FAM20B: variants seen among roughly 807,000 people sequenced by gnomAD.
FAM20B encodes the protein glycosaminoglycan xylosylkinase.
FAM20B carries 23 observed loss-of-function variants against 43.8 expected under a neutral mutation model. That is an observed-to-expected ratio of 0.53 (90% CI 0.38 to 0.74). The LOEUF is 0.74. Among genes scored for constraint, FAM20B ranks in the 30% least tolerant of loss-of-function variants. The pLI is 0.00. For missense variants in FAM20B, 440 were observed against 510.5 expected, an observed-to-expected ratio of 0.86 and a Z score of 1.33; for synonymous variants, 178 against 192.4, an observed-to-expected ratio of 0.93 and a Z score of 0.62.
intron 7 of FAM20B, among the ~76,000 whole-genome samples, chr1:179,067,462 G>A (rs192245635): frequency 2.2e-4 from 33 of 152,252 alleles, no homozygotes; most frequent in Admixed American, 6.5e-4. Flanking sequence ...AAAATGAGCC[G>A]GGCATGGTGG....
chr1:179,027,614 C>T (rs938850792), intron 1 of FAM20B, among the ~76,000 whole-genome samples: 2 of 152,230 alleles, frequency 1.3e-5, no homozygotes, highest in African/African-American at 4.8e-5. Context: ...AATACAAAGG[C>T]ACACACAAGT....
chr1:179,073,903 G>A lies in FAM20B; in HGVS notation c.*1759G>A, dbSNP rs1170797043. ...GGCCTGATGTGCCCACTCATCTATG[G>A]ACTCAGAGCTGTGTGCTTTGCTCCT... On this transcript the variant is annotated 3_prime_UTR_variant, in exon 8 of 8. Coordinates refer to ENST00000263733, the MANE Select transcript of FAM20B (RefSeq NM_014864.4). The A allele has an allele frequency of 6.6e-6, 1 of 152,222 alleles. No individual in the cohort carries two copies. Among genetic ancestry groups the A allele is most frequent in the South Asian group, 2.1e-4 (1 of 4,832 alleles). 9.4% of individuals were successfully genotyped at this position (152,222 alleles called of 1,614,324 possible). A position where few individuals can be genotyped will look rare whatever the true frequency, so the allele number is the denominator to read the frequency against.
chr1:179,042,901 C>T (rs1290260505), intron 1 of FAM20B, among the ~76,000 whole-genome samples: 1 of 152,112 alleles, frequency 6.6e-6, no homozygotes, highest in Admixed American at 6.5e-5. Context: ...TGCTGATTGG[C>T]CCATGGGTGG....
At chr1:179,021,186 C>G (rs904006802), upstream of FAM20B, among the ~76,000 whole-genome samples, 4 of 152,184 alleles carry the variant, frequency 2.6e-5, no homozygotes, top group Admixed American at 1.3e-4. Context: ...CCACATTATC[C>G]ATCGATGGTA....
chr1:179,040,828 G>A (rs1182479460), intron 1 of FAM20B, among the ~76,000 whole-genome samples: 1 of 151,926 alleles, frequency 6.6e-6, no homozygotes, highest in Non-Finnish European at 1.5e-5. Context: ...CAGGGTGGCT[G>A]CTGGGCGGAG....
chr1:179,052,090 A>G (rs1234896080), intron 3 of FAM20B, among the ~76,000 whole-genome samples: 1 of 152,274 alleles, frequency 6.6e-6, no homozygotes, highest in Non-Finnish European at 1.5e-5. Flanking sequence ...GAACTTATAT[A>G]GCAAGAGACA....
At chr1:179,066,376 AGT>A (rs1651689859) in intron 6 of FAM20B, among the ~76,000 whole-genome samples, 1 of 152,110 alleles carries the variant, frequency 6.6e-6, no homozygotes. Flanking sequence ...GAGTAGAATA[AGT>A]GTGACTTCTT....
Position 179,042,741 on chromosome 1 carries a change from T to C in FAM20B, c.-133-974T>C, listed in dbSNP as rs139017187. On this transcript the variant is annotated intron_variant, in intron 1 of 7. Coordinates refer to ENST00000263733, the MANE Select transcript of FAM20B (RefSeq NM_014864.4). ...TGGAGACCCAAAGTGGATAGCTCTT[T>C]CTGCAGCCATGTTGTTCTGATGAGA... Among the ~76,000 whole-genome samples, 3 of 152,328 alleles carry C rather than the reference T, an allele frequency of 2.0e-5. No individual in the cohort carries two copies. In the East Asian group the frequency reaches 5.8e-4, roughly 29 times the overall value.
chr1:179,037,984 T>C (rs1010152553), intron 1 of FAM20B, among the ~76,000 whole-genome samples: 1 of 152,222 alleles, frequency 6.6e-6, no homozygotes, highest in Non-Finnish European at 1.5e-5. Context: ...GAACTTCTTA[T>C]TGCATTGATG....
chr1:179,047,196 T>C (rs1229412832), intron 2 of FAM20B, among the ~76,000 whole-genome samples: 1 of 151,420 alleles, frequency 6.6e-6, no homozygotes, highest in Non-Finnish European at 1.5e-5. Flanking sequence ...GTAGGGGAGG[T>C]AGTAACAGAT....
At chr1:179,060,094 T>C (rs923137992) in intron 4 of FAM20B, among the ~76,000 whole-genome samples, 3 of 80,622 alleles carry the variant, frequency 3.7e-5, no homozygotes, top group African/African-American at 2.4e-4. Flanking sequence ...GTATGAAATA[T>C]ATATATATTT....
intron 7 of FAM20B, among the ~76,000 whole-genome samples, chr1:179,069,662 G>A (rs1283168002): frequency 6.6e-6 from 1 of 151,904 alleles, no homozygotes; most frequent in Non-Finnish European, 1.5e-5. Context: ...ATGAGCCACC[G>A]TGCCTGGCCA....
intron 7 of FAM20B, among the ~76,000 whole-genome samples, chr1:179,071,111 G>A (rs1215578397): frequency 4.6e-5 from 7 of 151,652 alleles, no homozygotes; most frequent in Admixed American, 1.3e-4. Context: ...TGGCTAACAC[G>A]GTGAAAACCC....
At chr1:179,047,277 C>T (rs1650811577) in intron 2 of FAM20B, among the ~76,000 whole-genome samples, 1 of 152,148 alleles carries the variant, frequency 6.6e-6, no homozygotes, top group African/African-American at 2.4e-5. Context: ...CTCATTACCT[C>T]CCTCCTCCAG....
At chr1:179,056,856 G>T (rs1651240844) in intron 4 of FAM20B, among the ~76,000 whole-genome samples, 1 of 152,010 alleles carries the variant, frequency 6.6e-6, no homozygotes, top group Non-Finnish European at 1.5e-5. Flanking sequence ...CATTGTTTTA[G>T]TTTGCATCTC....
intron 4 of FAM20B, among the ~76,000 whole-genome samples, chr1:179,057,815 G>C (rs879832421): frequency 1.3e-5 from 2 of 149,760 alleles, no homozygotes; most frequent in East Asian, 3.9e-4. Flanking sequence ...GTACAAAGGG[G>C]CTATGGACTG....
rs780678801 is a variant in FAM20B at position 179,071,918 on chromosome 1, G to T, written c.1004G>T (p.Arg335Leu). ...TCTATAACTTTTTCTCCCAGCATTC[G>T]GGTGTCCACCTGGAACAGACTGAAC... ...LAPLYQCCII[R>L]VSTWNRLNYL... Residue 335 changes from arginine to leucine, a missense_variant, in exon 8 of 8, where the codon CGG (arginine) becomes CTG (leucine). By Grantham distance (102) the Arg-to-Leu change is moderately radical. Coordinates refer to ENST00000263733, the MANE Select transcript of FAM20B (RefSeq NM_014864.4). 1 of 1,610,702 alleles carries T rather than the reference G, an allele frequency of 6.2e-7. No homozygotes were observed. The highest frequency in any genetic ancestry group is 1.3e-5 in the African/African-American group (1 of 74,780).
intron 2 of FAM20B, among the ~76,000 whole-genome samples, chr1:179,044,925 A>G (rs1410070460): frequency 1.3e-5 from 2 of 152,252 alleles, no homozygotes; most frequent in African/African-American, 4.8e-5. Context: ...CCAGCAATGC[A>G]TGAGAATTCC....
At chr1:179,018,378 C>T in the FAM20B span, among the ~76,000 whole-genome samples, 10 of 152,178 alleles carry the variant, frequency 6.6e-5, no homozygotes, top group Non-Finnish European at 1.0e-4. Context: ...ACAATCTCAG[C>T]TCACTGCAAA....
Sources: gnomAD v4.1 joint callset for allele counts (sites outside exome capture counted in the v4.1 genomes callset) on GRCh38, gnomAD v4.1.1 for gene constraint, MANE v1.5 for transcripts, NCBI Gene and HGNC (gene_info 2026-07-23, HGNC 2026-07-21) for gene names.